Variants in PPARGC1B observed in about 807,000 individuals in gnomAD.
PPARGC1B encodes PPARG coactivator 1 beta.
PPARGC1B carries 34 observed loss-of-function variants against 101.6 expected under a neutral mutation model. The ratio of observed to expected loss-of-function variants is 0.33; its 90% CI spans 0.25 to 0.45. PPARGC1B has a LOEUF of 0.45. Among genes scored for constraint, PPARGC1B ranks in the 20% least tolerant of loss-of-function variants. The pLI is 1.00. For missense variants in PPARGC1B, 1,234 were observed against 1,317.6 expected, an observed-to-expected ratio of 0.94 and a Z score of 0.98; for synonymous variants, 548 against 539.3, an observed-to-expected ratio of 1.02 and a Z score of -0.22.
At chr5:149,830,713 T>C (rs1758747068) in intron 3 of PPARGC1B, 54 bp from the exon 4 acceptor site, 2 of 1,350,716 alleles carry the variant, frequency 1.5e-6, no homozygotes, top group Admixed American at 1.7e-5. Flanking sequence ...ATGCAGTCCA[T>C]GTCCTCTGGC....
intron 1 of PPARGC1B, among the ~76,000 whole-genome samples, chr5:149,786,158 T>C (rs1756800747): frequency 6.6e-6 from 1 of 151,808 alleles, no homozygotes; most frequent in South Asian, 2.1e-4. Flanking sequence ...AGTGGCTCGA[T>C]CTCCGCTCAC....
In PPARGC1B at chr5:149,830,865, T is replaced by A; in HGVS notation, c.564T>A (p.Ser188Arg). 1.2e-6 allele frequency: 2 copies of A among 1,613,030 alleles called. No homozygotes were observed. The highest frequency in any genetic ancestry group is 1.7e-6 in the Non-Finnish European group (2 of 1,178,994). Residue 188 changes from serine to arginine, a missense_variant, in exon 4 of 12, where the codon AGT (serine) becomes AGA (arginine). Transcript: ENST00000309241. The stretch of plus-strand genomic sequence containing the variant: ...GCCAGGCAGGCCTCAGATCTAAAAG[T>A]CAACGGCCTTGTGTTAAGGTATTTC... ...AWRQAGLRSK[S>R]QRPCVKADST...
chr5:149,734,919 T>C (rs1173767926), intron 1 of PPARGC1B, among the ~76,000 whole-genome samples: 3 of 152,162 alleles, frequency 2.0e-5, no homozygotes, highest in South Asian at 4.1e-4. Flanking sequence ...ATTTTGCAAT[T>C]GGTATCTTGT....
In PPARGC1B at chr5:149,767,624, C is replaced by T. The variant is rs533904242; in HGVS notation, c.78+37204C>T. ...CAAGTAAGAAAGCCTGTCTTAACAT[C>T]CCTGGAAAATACAGTATCTATTCAG... On this transcript the variant is annotated intron_variant, in intron 1 of 11. Transcript: ENST00000309241. Among the ~76,000 whole-genome samples the T allele has an allele frequency of 2.0e-5, 3 of 152,344 alleles. No homozygotes were observed. In the South Asian group the frequency reaches 6.2e-4, roughly 32 times the overall value.
Position 149,830,786 on chromosome 5 carries a change from C to T in PPARGC1B, c.485C>T (p.Ala162Val). 1 of 1,614,012 alleles carries T rather than the reference C, an allele frequency of 6.2e-7. No homozygotes were observed. Among genetic ancestry groups the T allele is most frequent in the South Asian group, 1.1e-5 (1 of 91,076 alleles). The change falls in exon 4 of 12, where the codon GCC becomes GTC. Residue 162 changes from alanine to valine, a missense_variant. Physicochemically the swap from Ala to Val is moderately conservative, Grantham distance 64. This residue lies in a region of PPARGC1B where 734 missense variants were observed against 768.4 expected (regional missense o/e 0.96). Coordinates refer to ENST00000309241, the MANE Select transcript of PPARGC1B (RefSeq NM_133263.4). ...ELSLLQKLLL[A>V]TSYPTSSSDT... ...CCTCAGCTGCAGAAGCTCCTCCTGG[C>T]CACATCCTACCCAACATCAAGCTCT...
At chr5:149,732,010 C>G (rs1754499990) in intron 1 of PPARGC1B, among the ~76,000 whole-genome samples, 1 of 151,696 alleles carries the variant, frequency 6.6e-6, no homozygotes, top group Non-Finnish European at 1.5e-5. Context: ...TTCTCGAGAT[C>G]GAGGGGAATG....
Position 149,849,504 on chromosome 5 carries a change from G to A in PPARGC1B, c.*1946G>A, listed in dbSNP as rs1413935739. The A allele has an allele frequency of 2.0e-5, 3 of 152,214 alleles. No individual in the cohort carries two copies. The highest frequency in any genetic ancestry group is 7.2e-5 in the African/African-American group (3 of 41,448). 9.4% of individuals were successfully genotyped at this position (152,214 alleles called of 1,614,324 possible). Reference sequence around the variant, plus strand: ...TACTCCCACCTCCTTGACCAATACAGACATAACTAATCAATCACACCACTC... The same window carrying A: ...TACTCCCACCTCCTTGACCAATACAAACATAACTAATCAATCACACCACTC... On this transcript the variant is annotated 3_prime_UTR_variant, in exon 12 of 12. Transcript: ENST00000309241.
In PPARGC1B at chr5:149,730,364, G is replaced by T. The variant is rs746834137; in HGVS notation, c.22G>T (p.Ala8Ser). 2 of 1,569,430 alleles carry T rather than the reference G, an allele frequency of 1.3e-6. No individual in the cohort carries two copies. The highest frequency in any genetic ancestry group is 1.2e-5 in the South Asian group (1 of 84,466). Residue 8 changes from alanine to serine, a missense_variant, in exon 1 of 12, where the codon GCG (alanine) becomes TCG (serine). Around this residue, in one of 3 missense-constraint regions of PPARGC1B, gnomAD observed 734 missense variants for 768.4 expected, o/e 0.96. Transcript: ENST00000309241. This position sits in a 1 kb window ranked among gnomAD's most constrained non-coding sequence, Gnocchi z 4.0. ...GAAGATGGCGGGGAACGACTGCGGC[G>T]CGCTGCTGGACGAAGAGCTCTCCTC... MAGNDCG[A>S]LLDEELSSFF... is the part of the protein sequence containing the mutation.
intron 1 of PPARGC1B, among the ~76,000 whole-genome samples, chr5:149,751,888 A>G (rs1755322031): frequency 6.6e-6 from 1 of 152,146 alleles, no homozygotes. Flanking sequence ...TGTGACCTTG[A>G]GATGGGGAGA....
At chr5:149,781,887 G>C (rs1280663322) in intron 1 of PPARGC1B, among the ~76,000 whole-genome samples, 2 of 152,194 alleles carry the variant, frequency 1.3e-5, no homozygotes, top group Non-Finnish European at 2.9e-5. Flanking sequence ...GACTTGGCCT[G>C]TGAGGTAAAC....
intron 1 of PPARGC1B, among the ~76,000 whole-genome samples, chr5:149,776,892 C>T (rs181500637): frequency 2.0e-5 from 3 of 152,366 alleles, no homozygotes; most frequent in African/African-American, 7.2e-5. Context: ...TGGCTTCCTG[C>T]ACTCTGCACA....
At chr5:149,815,363 A>C (rs1236843569) in intron 1 of PPARGC1B, among the ~76,000 whole-genome samples, 1 of 152,196 alleles carries the variant, frequency 6.6e-6, no homozygotes, top group Non-Finnish European at 1.5e-5. Context: ...ACAGATATGC[A>C]TAGAGGGAAG....
At chr5:149,813,152 C>T (rs1296582106) in intron 1 of PPARGC1B, among the ~76,000 whole-genome samples, 1 of 152,110 alleles carries the variant, frequency 6.6e-6, no homozygotes, top group Non-Finnish European at 1.5e-5. Context: ...TTAGTGGTAT[C>T]GCCATGGAAA....
chr5:149,774,501 G>A (rs141766684), intron 1 of PPARGC1B, among the ~76,000 whole-genome samples: 151 of 152,156 alleles, frequency 9.9e-4, no homozygotes, highest in Non-Finnish European at 1.9e-3. Flanking sequence ...CTGGTCCCAC[G>A]ATGACCGGCC....
At chr5:149,836,166 G>C (rs1759063760) in intron 7 of PPARGC1B, 97 bp from the exon 8 acceptor site, 1 of 1,044,810 alleles carries the variant, frequency 9.6e-7, no homozygotes, top group African/African-American at 1.6e-5. Flanking sequence ...TGGGATTATA[G>C]GTGTGAGCTA....
chr5:149,744,260 C>T (rs1028386271), intron 1 of PPARGC1B, among the ~76,000 whole-genome samples: 1 of 152,184 alleles, frequency 6.6e-6, no homozygotes, highest in Non-Finnish European at 1.5e-5. Flanking sequence ...ATGGTTCTTA[C>T]AAGCTTGGCA....
At chr5:149,753,336 A>G (rs1398970669) in intron 1 of PPARGC1B, among the ~76,000 whole-genome samples, 1 of 151,872 alleles carries the variant, frequency 6.6e-6, no homozygotes, top group African/African-American at 2.4e-5. Context: ...CCTCCTGAGT[A>G]GCTGTGATTA....
chr5:149,840,701 G>A (rs556969053), intron 9 of PPARGC1B, among the ~76,000 whole-genome samples: 1 of 152,318 alleles, frequency 6.6e-6, no homozygotes, highest in East Asian at 1.9e-4. Context: ...TGACCCTACT[G>A]CAAAGCTCCC....
chr5:149,825,190 G>A (rs1758465488), intron 2 of PPARGC1B, among the ~76,000 whole-genome samples: 1 of 152,222 alleles, frequency 6.6e-6, no homozygotes, highest in Non-Finnish European at 1.5e-5. Flanking sequence ...CTGTGGGCTG[G>A]GGGAACACAC....
Sources: gnomAD v4.1 joint callset for allele counts (sites outside exome capture counted in the v4.1 genomes callset) on GRCh38, gnomAD v4.1.1 for gene constraint, gnomAD v4.1.1 regional missense constraint, Gnocchi (gnomAD v3.1) non-coding constraint, MANE v1.5 for transcripts, NCBI Gene and HGNC (gene_info 2026-07-23, HGNC 2026-07-21) for gene names.